SLC30A7: variants seen among roughly 807,000 people sequenced by gnomAD.
The protein encoded by SLC30A7 is solute carrier family 30 member 7, also known as zinc transporter 7.
A neutral mutation model predicts 46.0 loss-of-function variants in SLC30A7; 35 were observed. The observed-to-expected ratio is 0.76, with a 90% CI of 0.58 to 1.01. The LOEUF (loss-of-function observed/expected upper bound fraction) is 1.01, where lower values mean the gene tolerates loss of function less well. SLC30A7 is among the 50% of genes least tolerant of loss of function. The probability of loss-of-function intolerance (pLI) is 0.00; values close to 1 mark genes in which losing one functional copy is unlikely to be tolerated. For missense variants in SLC30A7, 464 were observed against 451.1 expected, an observed-to-expected ratio of 1.03 and a Z score of -0.26; for synonymous variants, 147 against 157.8, an observed-to-expected ratio of 0.93 and a Z score of 0.51.
chr1:100,937,476 GTTTT>G (rs1325076169), intron 8 of SLC30A7, among the ~76,000 whole-genome samples: 1 of 151,856 alleles, frequency 6.6e-6, no homozygotes, highest in Admixed American at 6.6e-5. Flanking sequence ...TTTTATTTTT[GTTTT>G]TTGTTTCTGT....
chr1:100,925,747 A>G (rs1313139451), intron 8 of SLC30A7, among the ~76,000 whole-genome samples: 1 of 152,190 alleles, frequency 6.6e-6, no homozygotes, highest in Non-Finnish European at 1.5e-5. Context: ...TAGATAAAAA[A>G]TTCTGTTTTG....
chr1:100,957,010 T>G (rs895576304), intron 8 of SLC30A7, among the ~76,000 whole-genome samples: 6 of 152,248 alleles, frequency 3.9e-5, no homozygotes, highest in African/African-American at 1.4e-4. Flanking sequence ...TGAAATATTC[T>G]ATATTATTTA....
chr1:100,970,900 C>T (rs7523541), intron 10 of SLC30A7, among the ~76,000 whole-genome samples: 3,602 of 152,102 alleles, frequency 0.024, 134 homozygotes, highest in African/African-American at 0.079. Context: ...GTCTATAATA[C>T]GCTTGGGGTT....
chr1:100,952,100 C>G (rs1654986645), intron 8 of SLC30A7, among the ~76,000 whole-genome samples: 1 of 152,174 alleles, frequency 6.6e-6, no homozygotes, highest in African/African-American at 2.4e-5. Context: ...GAAACAGATT[C>G]TTTCTAGAGC....
chr1:100,910,667 T>TA (rs1395236966), intron 3 of SLC30A7, among the ~76,000 whole-genome samples: 1 of 152,094 alleles, frequency 6.6e-6, no homozygotes, highest in Non-Finnish European at 1.5e-5. Context: ...TTAATAAGTT[T>TA]AAAAAACCCC....
rs1656918178 is a variant in SLC30A7, at chr1:100,981,293, AG to A, written c.*6437del. 6.6e-6 allele frequency: 1 copy of A among 152,144 alleles called. No individual in the cohort carries two copies. The highest frequency in any genetic ancestry group is 1.5e-5 in the Non-Finnish European group (1 of 67,994). 9.4% of individuals were successfully genotyped at this position (152,144 alleles called of 1,614,324 possible). A position where few individuals can be genotyped will look rare whatever the true frequency, so the allele number is the denominator to read the frequency against. On this transcript the variant is annotated 3_prime_UTR_variant, in exon 11 of 11. Coordinates refer to ENST00000357650, the MANE Select transcript of SLC30A7 (RefSeq NM_133496.5). ...AGCAATTCAGTGAAATTTTTTCCCA[AG>A]TGATATTTTCCCCCAACTTTTGTGA...
At chr1:100,971,613 C>T (rs1483886012) in intron 10 of SLC30A7, among the ~76,000 whole-genome samples, 1 of 152,046 alleles carries the variant, frequency 6.6e-6, no homozygotes, top group Non-Finnish European at 1.5e-5. Context: ...TCATCATGTG[C>T]CAAGTACTGT....
intron 9 of SLC30A7, among the ~76,000 whole-genome samples, chr1:100,963,562 T>C (rs954143122): frequency 2.0e-5 from 3 of 152,124 alleles, no homozygotes; most frequent in African/African-American, 7.2e-5. Context: ...GAGAAATGAG[T>C]TGATAGCGGA....
the SLC30A7 span, chr1:100,990,309 G>T: frequency 6.4e-6 from 7 of 1,098,806 alleles, no homozygotes; most frequent in Non-Finnish European, 9.4e-6. Context: ...GGAATTATGA[G>T]GATTAAAATT....
chr1:100,974,744 T>C (rs1656361064), intron 10 of SLC30A7, 66 bp from the exon 11 acceptor site: 5 of 1,167,624 alleles, frequency 4.3e-6, no homozygotes, highest in South Asian at 4.1e-5. Context: ...AAAAATACTT[T>C]CCTGAAATGT....
downstream of SLC30A7, among the ~76,000 whole-genome samples, chr1:100,982,234 T>C (rs1656981969): frequency 6.6e-6 from 1 of 152,234 alleles, no homozygotes; most frequent in South Asian, 2.1e-4. Context: ...GCTTCTTTAC[T>C]ATCATCAATC....
At chr1:100,960,160 A>AT (rs1253562039) in intron 8 of SLC30A7, among the ~76,000 whole-genome samples, 1 of 152,068 alleles carries the variant, frequency 6.6e-6, no homozygotes, top group Non-Finnish European at 1.5e-5. Context: ...TCTTCTCCAT[A>AT]TTTTTTAGTA....
chr1:100,961,607 C>T (rs1414610374), intron 8 of SLC30A7, among the ~76,000 whole-genome samples: 1 of 152,148 alleles, frequency 6.6e-6, no homozygotes, highest in Non-Finnish European at 1.5e-5. Context: ...TAGCTTTACT[C>T]TTTCATACAT....
At chr1:100,983,101 AT>A (rs1354829628), downstream of SLC30A7, among the ~76,000 whole-genome samples, 6 of 152,126 alleles carry the variant, frequency 3.9e-5, no homozygotes, top group African/African-American at 1.4e-4. Flanking sequence ...TGGCTCCCTA[AT>A]GCTTATCAAG....
In SLC30A7 at chr1:100,911,105, A is replaced by G; in HGVS notation, c.339A>G (p.Leu113=). 1 of 1,612,152 alleles carries G rather than the reference A, an allele frequency of 6.2e-7. No individual in the cohort carries two copies. Among genetic ancestry groups the G allele is most frequent in the Non-Finnish European group, 8.5e-7 (1 of 1,178,822 alleles). ...TTCTGGCTGGCTTTGTCAATGGCCT[A>G]TTTTTGATCTTCACTGCTTTTTTTA... The part of the protein sequence containing the change: ...AEVLAGFVNG[L]FLIFTAFFIF... Residue 113 remains leucine (L), a synonymous_variant, in exon 4 of 11, where the codon CTA becomes CTG. Transcript: ENST00000357650.
At chr1:100,914,886 C>T (rs2101022070) in intron 6 of SLC30A7, among the ~76,000 whole-genome samples, 1 of 151,930 alleles carries the variant, frequency 6.6e-6, no homozygotes, top group Admixed American at 6.5e-5. Context: ...TAGCTGAGAT[C>T]ACGCTACTGC....
intron 3 of SLC30A7, among the ~76,000 whole-genome samples, chr1:100,910,809 T>G (rs1000475540): frequency 7.2e-5 from 11 of 152,188 alleles, no homozygotes; most frequent in African/African-American, 2.7e-4. Context: ...CTAAAACTAC[T>G]TACTCTAAGA....
intron 6 of SLC30A7, among the ~76,000 whole-genome samples, chr1:100,914,349 A>T (rs1452291999): frequency 6.6e-6 from 1 of 152,106 alleles, no homozygotes; most frequent in East Asian, 1.9e-4. Flanking sequence ...CTCCCCTCAA[A>T]TGCCACTATT....
At chr1:100,919,503 C>T (rs1308241772) in intron 7 of SLC30A7, among the ~76,000 whole-genome samples, 1 of 152,104 alleles carries the variant, frequency 6.6e-6, no homozygotes, top group East Asian at 1.9e-4. Flanking sequence ...TTAAATGTGT[C>T]TTCCAATCAC....
Sources: gnomAD v4.1 joint callset for allele counts (sites outside exome capture counted in the v4.1 genomes callset) on GRCh38, gnomAD v4.1.1 for gene constraint, MANE v1.5 for transcripts, NCBI Gene and HGNC (gene_info 2026-07-23, HGNC 2026-07-21) for gene names.